VWA8: variants seen among roughly 807,000 people sequenced by gnomAD.
The protein encoded by VWA8 is von Willebrand factor A domain-containing protein 8.
Under a neutral mutation model 241.5 loss-of-function variants are expected in VWA8, and 221 were observed. The ratio of observed to expected loss-of-function variants is 0.91; its 90% CI spans 0.82 to 1.02. The LOEUF (loss-of-function observed/expected upper bound fraction) is 1.02. VWA8 is among the 50% of genes least tolerant of loss of function. The pLI is 0.00. For missense variants in VWA8, 2,322 were observed against 2,328.7 expected (o/e 1.00, Z 0.06); for synonymous variants, 852 against 827.1 (o/e 1.03, Z -0.52).
chr13:41,819,134 T>C (rs1870832405), intron 15 of VWA8, 84 bp downstream of exon 15: 1 of 1,399,860 alleles, frequency 7.1e-7, no homozygotes. Flanking sequence ...TAAAAATGTC[T>C]AACTCTACTT....
chr13:41,900,823 C>G (rs1875390366), intron 4 of VWA8, among the ~76,000 whole-genome samples: 1 of 152,080 alleles, frequency 6.6e-6, no homozygotes, highest in South Asian at 2.1e-4. Context: ...ACTGAGGAAG[C>G]TAAAGAAAAA....
At chr13:41,611,769 G>C (rs779757723) in intron 38 of VWA8, 37 bp from the exon 39 acceptor site, 1 of 1,610,942 alleles carries the variant, frequency 6.2e-7, no homozygotes, top group South Asian at 1.1e-5. Context: ...TGATAAATCT[G>C]AACTTGACCA....
At chr13:41,925,408 AG>A (rs531079933) in intron 2 of VWA8, among the ~76,000 whole-genome samples, 196 of 152,374 alleles carry the variant, frequency 1.3e-3, no homozygotes, top group African/African-American at 4.6e-3. Flanking sequence ...TCTAGTACGA[AG>A]GTTAAAAGTC....
rs555936543 is a variant in VWA8, at chr13:41,576,385, T to C, written c.5272-547A>G. Among the ~76,000 whole-genome samples the C allele has an allele frequency of 3.9e-5, 6 of 152,370 alleles. No individual in the cohort carries two copies. The East Asian group carries it at 1.2e-3, about 29-fold the overall frequency. Reference sequence around the variant, plus strand: ...CTCCTACAAATAAGCTGTTTGAAGCTGGAATGCATTTTTCCCCCTCAACAA... The same window carrying C: ...CTCCTACAAATAAGCTGTTTGAAGCCGGAATGCATTTTTCCCCCTCAACAA... On this transcript the variant is annotated intron_variant, in intron 42 of 44. Transcript: ENST00000379310.
At chr13:41,639,752 G>A (rs943176168) in intron 37 of VWA8, among the ~76,000 whole-genome samples, 8 of 152,146 alleles carry the variant, frequency 5.3e-5, no homozygotes, top group Non-Finnish European at 8.8e-5. Flanking sequence ...AACGATAGAC[G>A]ATGGAGCCTA....
intron 20 of VWA8, among the ~76,000 whole-genome samples, chr13:41,766,088 G>A (rs892462149): frequency 6.6e-6 from 1 of 152,108 alleles, no homozygotes; most frequent in Non-Finnish European, 1.5e-5. Context: ...ACCAAGGAGA[G>A]GAAGTAAACA....
intron 12 of VWA8, among the ~76,000 whole-genome samples, chr13:41,852,261 A>C (rs533596114): frequency 3.3e-5 from 5 of 152,162 alleles, no homozygotes; most frequent in African/African-American, 1.2e-4. Flanking sequence ...AGAAATGTCT[A>C]TTCAGGTTCT....
At chr13:41,580,102 G>A (rs866543705) in intron 42 of VWA8, among the ~76,000 whole-genome samples, 1 of 150,700 alleles carries the variant, frequency 6.6e-6, no homozygotes, top group East Asian at 1.9e-4. Context: ...CAATAAACCC[G>A]CCCTGGCCTC....
intron 43 of VWA8, among the ~76,000 whole-genome samples, chr13:41,573,606 T>TAC (rs2044329334): frequency 7.3e-6 from 1 of 136,732 alleles, no homozygotes; most frequent in African/African-American, 3.1e-5. Flanking sequence ...CCTCTATATA[T>TAC]ACGCATATAT....
At chr13:41,633,870 C>G (rs1390853895) in intron 37 of VWA8, among the ~76,000 whole-genome samples, 1 of 152,136 alleles carries the variant, frequency 6.6e-6, no homozygotes, top group Non-Finnish European at 1.5e-5. Context: ...TTGTTTCCCA[C>G]TTATACCTTG....
At chr13:41,938,162 C>CA (rs530867788) in intron 2 of VWA8, among the ~76,000 whole-genome samples, 206 of 98,086 alleles carry the variant, frequency 2.1e-3, no homozygotes, top group African/African-American at 4.1e-3. Context: ...TGGTCTCTTT[C>CA]AAAAAAAAAA....
intron 42 of VWA8, among the ~76,000 whole-genome samples, chr13:41,585,842 C>T (rs530889018): frequency 2.5e-4 from 34 of 138,730 alleles, no homozygotes; most frequent in South Asian, 1.8e-3. Flanking sequence ...CCAGCCTGGG[C>T]GACAGAGTGA....
intron 17 of VWA8, among the ~76,000 whole-genome samples, chr13:41,793,120 G>A (rs1869529623): frequency 6.6e-6 from 1 of 152,074 alleles, no homozygotes; most frequent in Admixed American, 6.5e-5. Flanking sequence ...TTCTTTATGA[G>A]ATTAAAGAAT....
chr13:41,585,757 A>C (rs150828640), intron 42 of VWA8, among the ~76,000 whole-genome samples: 1,749 of 151,744 alleles, frequency 0.012, 39 homozygotes, highest in African/African-American at 0.039. Flanking sequence ...CCAGCTACTC[A>C]GGAGGCTGAA....
chr13:41,578,966 T>C (rs2044366358), intron 42 of VWA8, among the ~76,000 whole-genome samples: 1 of 152,218 alleles, frequency 6.6e-6, no homozygotes, highest in Non-Finnish European at 1.5e-5. Flanking sequence ...GAGAAAAGTA[T>C]AACAAACAAA....
chr13:41,868,351 T>C lies in VWA8; in HGVS notation c.1207A>G (p.Ile403Val), dbSNP rs747303832. 1.2e-6 allele frequency: 2 copies of C among 1,613,848 alleles called. No homozygotes were observed. The highest frequency in any genetic ancestry group is 2.2e-5 in the East Asian group (1 of 44,880). Reference sequence around the variant, plus strand: ...ATAAACCTGTGATTAATTACCTTAATGGTCACCTCTTTATCTGCAATCCGG... The same window carrying C: ...ATAAACCTGTGATTAATTACCTTAACGGTCACCTCTTTATCTGCAATCCGG... ...TIRIADKEVT[I>V]KVPAGTRLLS... The change falls in exon 10 of 45, where the codon ATT becomes GTT. Residue 403 changes from isoleucine to valine, a missense_variant. Ile to Val is a conservative substitution (Grantham distance 29, BLOSUM62 3). Coordinates refer to ENST00000379310, the MANE Select transcript of VWA8 (RefSeq NM_015058.2).
chr13:41,950,993 A>G (rs1878109546), intron 1 of VWA8, among the ~76,000 whole-genome samples: 1 of 152,078 alleles, frequency 6.6e-6, no homozygotes, highest in Admixed American at 6.6e-5. Flanking sequence ...TTTAACACAG[A>G]TCCTCAACCT....
At chr13:41,697,491 C>T (rs939482056) in intron 29 of VWA8, among the ~76,000 whole-genome samples, 4 of 152,138 alleles carry the variant, frequency 2.6e-5, no homozygotes, top group Non-Finnish European at 4.4e-5. Flanking sequence ...TTGTGGAAGA[C>T]AATTTTCCCA....
intron 18 of VWA8, 29 bp downstream of exon 18, chr13:41,787,408 T>TA (rs761863518): frequency 4.5e-5 from 68 of 1,507,220 alleles, no homozygotes; most frequent in Middle Eastern, 3.4e-4. Flanking sequence ...TTATTTCACT[T>TA]AAAAAAAAGA....
Sources: gnomAD v4.1 joint callset for allele counts (sites outside exome capture counted in the v4.1 genomes callset) on GRCh38, gnomAD v4.1.1 for gene constraint, MANE v1.5 for transcripts, NCBI Gene and HGNC (gene_info 2026-07-23, HGNC 2026-07-21) for gene names.